Variants in COL3A1 observed in about 807,000 individuals in gnomAD.
The protein encoded by COL3A1 is collagen alpha-1(III) chain.
A neutral mutation model predicts 200.9 loss-of-function variants in COL3A1; 46 were observed. That is an observed-to-expected ratio of 0.23 (90% CI 0.18 to 0.29). The LOEUF (loss-of-function observed/expected upper bound fraction) is 0.29, where lower values mean the gene tolerates loss of function less well. Among genes scored for constraint, COL3A1 ranks in the 10% least tolerant of loss-of-function variants. The pLI is 1.00. For synonymous variants in COL3A1, 650 were observed against 628.0 expected (o/e 1.03, Z -0.52); for missense variants, 1,367 against 1,917.6 (o/e 0.71, Z 5.36).
At chr2:188,980,622 T>C (rs1331344579) in intron 1 of COL3A1, among the ~76,000 whole-genome samples, 1 of 150,766 alleles carries the variant, frequency 6.6e-6, no homozygotes, top group South Asian at 2.1e-4. Flanking sequence ...TAAAATCTTA[T>C]TTTCTATGCA....
At chr2:189,005,802 T>A (rs1688572541) in intron 41 of COL3A1, among the ~76,000 whole-genome samples, 1 of 151,942 alleles carries the variant, frequency 6.6e-6, no homozygotes, top group Admixed American at 6.6e-5. Context: ...AAAATTAATA[T>A]TATTTATAAT....
intron 1 of COL3A1, among the ~76,000 whole-genome samples, chr2:188,983,127 G>A (rs1687989245): frequency 6.6e-6 from 1 of 151,862 alleles, no homozygotes; most frequent in Admixed American, 6.6e-5. Flanking sequence ...TAAAAGCTTA[G>A]GAAATGTATA....
rs899571872 is a variant in COL3A1, at chr2:189,005,967, A to G, written c.3040-239A>G. Among the ~76,000 whole-genome samples, 3 of 152,128 alleles carry G rather than the reference A, an allele frequency of 2.0e-5. No individual in the cohort carries two copies. In the South Asian group the frequency reaches 6.2e-4, roughly 32 times the overall value. ...AAACTTTTATTTATTAGAGGTCTGTAAAGACTCTTTTTGGATATCATTTTT... is the reference window on the plus strand; with the variant it reads ...AAACTTTTATTTATTAGAGGTCTGTGAAGACTCTTTTTGGATATCATTTTT... On this transcript the variant is annotated intron_variant, in intron 41 of 50. Coordinates refer to ENST00000304636, the MANE Select transcript of COL3A1 (RefSeq NM_000090.4).
intron 29 of COL3A1, 143 bp from the exon 30 acceptor site, chr2:188,999,142 G>A: frequency 1.2e-6 from 1 of 814,974 alleles, no homozygotes; most frequent in Non-Finnish European, 2.0e-6. Flanking sequence ...CCACCCAGCT[G>A]TTCAACTATT....
Position 189,007,802 on chromosome 2 carries a change from T to C in COL3A1, c.3364-83T>C, listed in dbSNP as rs1171715782. The C allele has an allele frequency of 2.0e-6, 3 of 1,503,458 alleles. No homozygotes were observed. The South Asian group carries it at 3.4e-5, about 17-fold the overall frequency. The allele number at this position is 1,503,458 out of a possible 1,614,324, so 93.1% of individuals were successfully genotyped here. On this transcript the variant is annotated intron_variant, in intron 45 of 50. Transcript: ENST00000304636. ...AAAAAAAATTTCATCATGATCCCCATGTTTCTTGATCTGATCTTGAATGTA... is the reference window on the plus strand; with the variant it reads ...AAAAAAAATTTCATCATGATCCCCACGTTTCTTGATCTGATCTTGAATGTA...
rs774551212 is a variant in COL3A1, at chr2:188,995,062, G to A, written c.1472G>A (p.Arg491Gln). 1.5e-5 allele frequency: 24 copies of A among 1,614,020 alleles called. No homozygotes were observed. The highest frequency in any genetic ancestry group is 3.3e-5 in the South Asian group (3 of 91,088). ...TATTTTCAGGGTGCCCCTGGGTTCC[G>A]AGGACCTGCTGGACCAAATGGCATC... The part of the protein sequence containing the change: ...AAGERGAPGF[R>Q]GPAGPNGIPG... Residue 491 changes from arginine to glutamine, a missense_variant, in exon 21 of 51, where the codon CGA becomes CAA. Arg to Gln is a conservative substitution (Grantham distance 43, BLOSUM62 1). Coordinates refer to ENST00000304636, the MANE Select transcript of COL3A1 (RefSeq NM_000090.4).
At position 189,003,474 on chromosome 2, in the gene COL3A1, G is replaced by A. The variant is rs367789349; in HGVS notation, c.2607+10G>A. ...CAGTCCTGGTGGACCTGTAAGTATT[G>A]ATCCTCTTAACTATTATTGAAAAGC... On this transcript the variant is annotated intron_variant, in intron 37 of 50. Transcript: ENST00000304636. 2.3e-5 allele frequency: 37 copies of A among 1,612,468 alleles called. No homozygotes were observed. Among genetic ancestry groups the A allele is most frequent in the Admixed American group, 6.7e-5 (4 of 59,996 alleles).
intron 48 of COL3A1, among the ~76,000 whole-genome samples, chr2:189,009,507 C>T (rs1688673002): frequency 6.6e-6 from 1 of 151,528 alleles, no homozygotes; most frequent in Non-Finnish European, 1.5e-5. Flanking sequence ...CTTTTTTTCT[C>T]AGGATTAAAT....
intron 32 of COL3A1, 58 bp from the exon 33 acceptor site, chr2:189,001,339 T>A: frequency 6.6e-7 from 1 of 1,521,602 alleles, no homozygotes; most frequent in East Asian, 2.3e-5. Context: ...TCTGTTTGAT[T>A]AATGCAAAAA....
At chr2:189,003,851 G>T in intron 38 of COL3A1, 64 bp downstream of exon 38, 1 of 1,588,284 alleles carries the variant, frequency 6.3e-7, no homozygotes, top group Non-Finnish European at 8.6e-7. Context: ...GTATGTATAG[G>T]ATGAGAAACT....
chr2:188,985,805 T>C, intron 4 of COL3A1, 27 bp downstream of exon 4: 7 of 1,504,342 alleles, frequency 4.7e-6, no homozygotes, highest in Non-Finnish European at 6.5e-6. Context: ...ACTTAAAAAA[T>C]TCCCTCATAA....
At chr2:189,003,144 T>C in intron 36 of COL3A1, 82 bp downstream of exon 36, 1 of 1,144,288 alleles carries the variant, frequency 8.7e-7, no homozygotes, top group Non-Finnish European at 1.3e-6. Context: ...CCTCTCTCTC[T>C]CCCTCTCCCC....
At chr2:188,993,951 A>G in intron 16 of COL3A1, 87 bp from the exon 17 acceptor site, 1 of 1,256,582 alleles carries the variant, frequency 8.0e-7, no homozygotes, top group East Asian at 2.4e-5. Flanking sequence ...ACACTCATCG[A>G]TACATTTATT....
At chr2:189,002,426 G>T in intron 35 of COL3A1, 75 bp downstream of exon 35, 1 of 1,380,930 alleles carries the variant, frequency 7.2e-7, no homozygotes, top group Non-Finnish European at 1.0e-6. Context: ...CAAAAGTATA[G>T]TCAAGTTTGG....
intron 48 of COL3A1, 29 bp downstream of exon 48, chr2:189,009,250 G>A (rs1325999286): frequency 1.2e-6 from 2 of 1,612,952 alleles, no homozygotes; most frequent in African/African-American, 2.7e-5. Flanking sequence ...CATCTTCATG[G>A]CAATAGGATT....
intron 47 of COL3A1, 150 bp downstream of exon 47, chr2:189,008,292 C>T: frequency 1.3e-6 from 1 of 740,750 alleles, no homozygotes; most frequent in Non-Finnish European, 2.3e-6. Flanking sequence ...CATTCTCCAT[C>T]ACATTAAAAA....
chr2:188,984,938 A>C lies in COL3A1; in HGVS notation c.258A>C (p.Ala86=), dbSNP rs775636888. The change falls in exon 2 of 51, where the codon GCA becomes GCC. Residue 86 remains alanine, a synonymous_variant. Transcript: ENST00000304636. The part of the protein sequence containing the change: ...NPEIPFGECC[A]VCPQPPTAPT... The stretch of plus-strand genomic sequence containing the variant: ...AAATTCCATTTGGAGAATGTTGTGC[A>C]GTTTGCCCACAGCCTCCAACTGCTG... The C allele has an allele frequency of 1.2e-6, 2 of 1,613,080 alleles. No individual in the cohort carries two copies. Among genetic ancestry groups the C allele is most frequent in the Non-Finnish European group, 1.7e-6 (2 of 1,179,386 alleles).
intron 40 of COL3A1, 35 bp downstream of exon 40, chr2:189,004,399 C>A: frequency 6.5e-7 from 1 of 1,535,088 alleles, no homozygotes; most frequent in Non-Finnish European, 8.9e-7. Context: ...ACTCTTCCTT[C>A]CTTTGGTAGC....
intron 10 of COL3A1, 149 bp downstream of exon 10, chr2:188,990,509 G>T: frequency 1.3e-6 from 1 of 750,138 alleles, no homozygotes. Flanking sequence ...TTTGTTTGTT[G>T]ACCAAACTAG....
Sources: allele counts gnomAD v4.1 joint callset (sites outside exome capture counted in the v4.1 genomes callset), GRCh38; gene constraint gnomAD v4.1.1; transcripts MANE v1.5; gene names NCBI Gene and HGNC (gene_info 2026-07-23, HGNC 2026-07-21).